Variants in FOXP2 observed in about 807,000 individuals in gnomAD.
FOXP2 encodes forkhead box protein P2.
A neutral mutation model predicts 115.8 loss-of-function variants in FOXP2; 12 were observed. That is an observed-to-expected ratio of 0.10 (90% CI 0.07 to 0.17). FOXP2 has a LOEUF of 0.17. Among genes scored for constraint, FOXP2 ranks in the 10% least tolerant of loss-of-function variants. The pLI is 1.00. For synonymous variants in FOXP2, 328 were observed against 297.7 expected (o/e 1.10, Z -1.05); for missense variants, 629 against 843.5 (o/e 0.75, Z 3.15).
At chr7:114,460,455 G>A (rs1206658365) in intron 2 of FOXP2, among the ~76,000 whole-genome samples, 3 of 152,128 alleles carry the variant, frequency 2.0e-5, no homozygotes, top group Non-Finnish European at 2.9e-5. Flanking sequence ...TAGTTGTCTA[G>A]TGCAATGTAA....
chr7:114,623,726 T>G (rs940461609), intron 3 of FOXP2, among the ~76,000 whole-genome samples: 3 of 151,940 alleles, frequency 2.0e-5, no homozygotes, highest in African/African-American at 7.2e-5. Context: ...CAGGAAACAC[T>G]TTGCTTTATC....
chr7:114,106,566 C>G (rs185546968), intron 1 of FOXP2, among the ~76,000 whole-genome samples: 66 of 152,054 alleles, frequency 4.3e-4, no homozygotes, highest in African/African-American at 1.5e-3. Flanking sequence ...TTTCTTGCCC[C>G]CTTTGGTCAG....
chr7:114,592,999 A>C (rs370592179), intron 3 of FOXP2, among the ~76,000 whole-genome samples: 1 of 152,010 alleles, frequency 6.6e-6, no homozygotes, highest in Non-Finnish European at 1.5e-5. Flanking sequence ...ACCCGTATTC[A>C]CACAGTTCCT....
At chr7:114,373,925 G>C (rs988221021) in intron 2 of FOXP2, among the ~76,000 whole-genome samples, 1 of 152,148 alleles carries the variant, frequency 6.6e-6, no homozygotes, top group Admixed American at 6.5e-5. Context: ...AATTTCAAAA[G>C]TATGCTTTTT....
At chr7:114,559,887 T>TAAA (rs375821980) in intron 3 of FOXP2, among the ~76,000 whole-genome samples, 11,604 of 144,200 alleles carry the variant, frequency 0.08, 595 homozygotes, top group Middle Eastern at 0.15. Flanking sequence ...AGATTCCATC[T>TAAA]TAAAAAAAAA....
intron 2 of FOXP2, among the ~76,000 whole-genome samples, chr7:114,301,416 CAT>C (rs941458403): frequency 1.3e-5 from 2 of 152,098 alleles, no homozygotes; most frequent in Non-Finnish European, 2.9e-5. Context: ...GACTACCAAA[CAT>C]AACTCCTGTC....
At chr7:114,151,499 A>G (rs765225037) in intron 1 of FOXP2, among the ~76,000 whole-genome samples, 1 of 152,102 alleles carries the variant, frequency 6.6e-6, no homozygotes, top group Non-Finnish European at 1.5e-5. Flanking sequence ...AAAAGGAGAC[A>G]AGGTTTTTGT....
chr7:114,373,171 G>A (rs1045537384), intron 2 of FOXP2, among the ~76,000 whole-genome samples: 7 of 151,918 alleles, frequency 4.6e-5, no homozygotes, highest in African/African-American at 1.7e-4. Flanking sequence ...TTTTTTGTTT[G>A]TTTGTTTGTT....
At chr7:114,579,471 T>C (rs1301285207) in intron 3 of FOXP2, among the ~76,000 whole-genome samples, 2 of 152,064 alleles carry the variant, frequency 1.3e-5, no homozygotes, top group African/African-American at 2.4e-5. Context: ...ACATACAGTT[T>C]TGTTGCTGTG....
chr7:114,235,463 A>G (rs1794986294), intron 1 of FOXP2, among the ~76,000 whole-genome samples: 1 of 152,316 alleles, frequency 6.6e-6, no homozygotes, highest in Admixed American at 6.5e-5. Flanking sequence ...TCAACTGGAC[A>G]AAGTATTTTA....
chr7:114,465,108 G>T (rs190634289), intron 2 of FOXP2, among the ~76,000 whole-genome samples: 1 of 152,266 alleles, frequency 6.6e-6, no homozygotes, highest in Admixed American at 6.5e-5. Context: ...AGGACAATCT[G>T]ATTCCTTTTT....
intron 2 of FOXP2, among the ~76,000 whole-genome samples, chr7:114,381,219 C>T (rs1181789869): frequency 6.6e-6 from 1 of 152,180 alleles, no homozygotes; most frequent in Admixed American, 6.5e-5. Context: ...ACATTCCTCA[C>T]TGAGGGCCCT....
chr7:114,642,729 A>G (rs752236826), intron 7 of FOXP2, 106 bp downstream of exon 7: 3 of 759,668 alleles, frequency 3.9e-6, no homozygotes, highest in South Asian at 1.5e-5. Flanking sequence ...GACAAAATGT[A>G]TAGAACAACA....
chr7:114,449,912 A>G (rs148207386), intron 2 of FOXP2, among the ~76,000 whole-genome samples: 1 of 152,258 alleles, frequency 6.6e-6, no homozygotes, highest in African/African-American at 2.4e-5. Context: ...TCTATTAAGA[A>G]GGCCTTCCTA....
intron 3 of FOXP2, among the ~76,000 whole-genome samples, chr7:114,539,239 A>G (rs1428883685): frequency 5.3e-5 from 8 of 151,952 alleles, no homozygotes; most frequent in African/African-American, 1.9e-4. Context: ...ACTAACTTAT[A>G]TGGGATATAG....
chr7:114,526,997 T>C (rs1201809353), intron 2 of FOXP2, among the ~76,000 whole-genome samples: 1 of 151,568 alleles, frequency 6.6e-6, no homozygotes, highest in African/African-American at 2.4e-5. Context: ...ATCTATTTTT[T>C]TTTTTTTTTT....
At chr7:114,498,724 C>T (rs920557912) in intron 2 of FOXP2, among the ~76,000 whole-genome samples, 2 of 152,090 alleles carry the variant, frequency 1.3e-5, no homozygotes, top group Non-Finnish European at 2.9e-5. Context: ...ACATTTTTAA[C>T]TGGTTAGAAA....
intron 6 of FOXP2, among the ~76,000 whole-genome samples, chr7:114,636,197 C>A (rs1165654017): frequency 1.3e-5 from 2 of 152,144 alleles, no homozygotes; most frequent in African/African-American, 4.8e-5. Context: ...CTGGGACTCT[C>A]TTCTGAAGAA....
At chr7:114,209,290 A>G (rs1431603696) in intron 1 of FOXP2, among the ~76,000 whole-genome samples, 1 of 152,216 alleles carries the variant, frequency 6.6e-6, no homozygotes, top group Non-Finnish European at 1.5e-5. Flanking sequence ...CTCTCCAGCC[A>G]TGCTGAACTG....
Sources: allele counts gnomAD v4.1 joint callset (sites outside exome capture counted in the v4.1 genomes callset), GRCh38; gene constraint gnomAD v4.1.1; transcripts MANE v1.5; gene names NCBI Gene and HGNC (gene_info 2026-07-23, HGNC 2026-07-21).